KCNAB1: variants seen among roughly 807,000 people sequenced by gnomAD.
KCNAB1 encodes voltage-gated potassium channel subunit beta-1.
Under a neutral mutation model 64.6 loss-of-function variants are expected in KCNAB1, and 35 were observed. That is an observed-to-expected ratio of 0.54 (90% CI 0.41 to 0.72). KCNAB1 has a LOEUF of 0.72. Among genes scored for constraint, KCNAB1 ranks in the 30% least tolerant of loss-of-function variants. The pLI is 0.00. For synonymous variants in KCNAB1, 177 were observed against 183.8 expected, an observed-to-expected ratio of 0.96 and a Z score of 0.30; for missense variants, 401 against 512.9, an observed-to-expected ratio of 0.78 and a Z score of 2.11.
intron 1 of KCNAB1, among the ~76,000 whole-genome samples, chr3:156,277,558 G>A (rs1368640745): frequency 6.6e-6 from 1 of 152,190 alleles, no homozygotes; most frequent in Middle Eastern, 3.4e-3. Flanking sequence ...CATCTGTGTT[G>A]TTGCAAATGG....
At chr3:156,538,613 T>G (rs939470829), downstream of KCNAB1, 5 of 152,262 alleles carry the variant, frequency 3.3e-5, no homozygotes, top group Non-Finnish European at 5.9e-5. Flanking sequence ...TTACAATAGA[T>G]TTTATCTGAT....
intron 1 of KCNAB1, among the ~76,000 whole-genome samples, chr3:156,327,466 AT>A (rs1239286907): frequency 2.0e-5 from 3 of 152,152 alleles, no homozygotes; most frequent in African/African-American, 7.2e-5. Flanking sequence ...TTCAAGCCAT[AT>A]TTAGCAAGTT....
chr3:156,342,585 C>CTTTTTTTTTTTTT (rs60982892), intron 1 of KCNAB1, among the ~76,000 whole-genome samples: 4 of 86,248 alleles, frequency 4.6e-5, no homozygotes, highest in Admixed American at 1.3e-4. Context: ...CTATGTGTTT[C>CTTTTTTTTTTTTT]TTTTTTTTTT....
At chr3:156,298,031 T>A (rs1191061822) in intron 1 of KCNAB1, among the ~76,000 whole-genome samples, 1 of 152,224 alleles carries the variant, frequency 6.6e-6, no homozygotes, top group Non-Finnish European at 1.5e-5. Context: ...CCCATGGGTA[T>A]GGGCTTTCCT....
intron 1 of KCNAB1, among the ~76,000 whole-genome samples, chr3:156,166,916 G>A (rs1287667530): frequency 1.3e-5 from 2 of 152,102 alleles, no homozygotes; most frequent in African/African-American, 4.8e-5. Context: ...GATGTTTATG[G>A]CGGTTTAGTG....
chr3:156,445,296 T>C (rs61147236), intron 2 of KCNAB1, among the ~76,000 whole-genome samples: 34,162 of 152,050 alleles, frequency 0.22, 7,277 homozygotes, highest in African/African-American at 0.56. Context: ...ACTCTGTCTC[T>C]GAAACAAAAA....
At chr3:156,481,625 A>G (rs1714811468) in intron 8 of KCNAB1, among the ~76,000 whole-genome samples, 2 of 152,078 alleles carry the variant, frequency 1.3e-5, no homozygotes, top group Non-Finnish European at 2.9e-5. Context: ...GGTTCACTTC[A>G]GGTTCTTTCC....
At chr3:156,491,810 TA>T (rs548038654) in intron 8 of KCNAB1, among the ~76,000 whole-genome samples, 70 of 152,216 alleles carry the variant, frequency 4.6e-4, no homozygotes, top group Non-Finnish European at 8.5e-4. Flanking sequence ...ACACGCTAGC[TA>T]TCTAATATTA....
intron 1 of KCNAB1, among the ~76,000 whole-genome samples, chr3:156,346,753 G>A (rs1403513969): frequency 3.3e-5 from 5 of 152,312 alleles, no homozygotes; most frequent in Non-Finnish European, 7.4e-5. Context: ...GTCAAATATG[G>A]AAGCATCTAG....
At chr3:156,311,270 G>GAA (rs1446004508) in intron 1 of KCNAB1, among the ~76,000 whole-genome samples, 1 of 152,248 alleles carries the variant, frequency 6.6e-6, no homozygotes, top group East Asian at 1.9e-4. Context: ...TCACCCTGTG[G>GAA]AAAAGAGAGA....
chr3:156,396,311 GA>G (rs767702376), intron 1 of KCNAB1, among the ~76,000 whole-genome samples: 9 of 152,164 alleles, frequency 5.9e-5, no homozygotes, highest in Admixed American at 4.6e-4. Flanking sequence ...GTTCTAAAAA[GA>G]AAATAGAAAC....
chr3:156,223,383 C>T (rs1298909887), intron 1 of KCNAB1, among the ~76,000 whole-genome samples: 1 of 152,200 alleles, frequency 6.6e-6, no homozygotes, highest in Non-Finnish European at 1.5e-5. Context: ...GCTGATTGGT[C>T]CATTTTACAG....
chr3:156,308,123 C>CATT (rs1721634882), intron 1 of KCNAB1, among the ~76,000 whole-genome samples: 1 of 152,096 alleles, frequency 6.6e-6, no homozygotes. Context: ...GGGCAGGGGA[C>CATT]ATTATTTGAT....
At chr3:156,338,992 CAG>C (rs1397623924) in intron 1 of KCNAB1, among the ~76,000 whole-genome samples, 1 of 152,134 alleles carries the variant, frequency 6.6e-6, no homozygotes, top group Non-Finnish European at 1.5e-5. Flanking sequence ...AGTCAAAGTA[CAG>C]AGATATTCCC....
chr3:156,523,938 C>T lies in KCNAB1; in HGVS notation c.1072C>T (p.Leu358=). The T allele has an allele frequency of 6.2e-7, 1 of 1,613,616 alleles. No individual in the cohort carries two copies. The highest frequency in any genetic ancestry group is 1.1e-5 in the South Asian group (1 of 90,914). ...GCGTCTGGGATGCACACTACCTCAG[C>T]TAGCTGTTGGTAAGAAAATTACTAA... ...AERLGCTLPQ[L]AVAWCLRNEG... is the part of the protein sequence containing the mutation. Residue 358 remains leucine, a synonymous_variant, in exon 12 of 14, where the codon CTA becomes TTA. Transcript: ENST00000490337.
intron 1 of KCNAB1, among the ~76,000 whole-genome samples, chr3:156,411,099 C>A (rs1311528256): frequency 1.4e-4 from 22 of 152,088 alleles, no homozygotes; most frequent in Admixed American, 1.4e-3. Flanking sequence ...TGTATCTTTG[C>A]CAGTACTTAG....
At position 156,536,881 on chromosome 3, in the gene KCNAB1, T is replaced by C; in HGVS notation, c.*134T>C. The stretch of plus-strand genomic sequence containing the variant: ...CCTCTAGTGTCCCTCCCTGGATTCT[T>C]TGAGGTGTCTGCTGTCGCTACCACT... On this transcript the variant is annotated 3_prime_UTR_variant, in exon 14 of 14. Transcript: ENST00000490337. The C allele has an allele frequency of 3.0e-6, 2 of 657,632 alleles. No homozygotes were observed. Among genetic ancestry groups the C allele is most frequent in the East Asian group, 2.7e-5 (1 of 37,622 alleles). The allele number at this position is 657,632 out of a possible 1,614,324, so 40.7% of individuals were successfully genotyped here. A position where few individuals can be genotyped will look rare whatever the true frequency, so the allele number is the denominator to read the frequency against.
chr3:156,434,643 A>G (rs1716463849), intron 2 of KCNAB1, among the ~76,000 whole-genome samples: 1 of 152,226 alleles, frequency 6.6e-6, no homozygotes, highest in African/African-American at 2.4e-5. Context: ...GGTCAAAGAT[A>G]AATAGAAAAT....
At chr3:156,353,291 C>T (rs1417270536) in intron 1 of KCNAB1, among the ~76,000 whole-genome samples, 2 of 152,140 alleles carry the variant, frequency 1.3e-5, no homozygotes, top group Non-Finnish European at 2.9e-5. Context: ...TTCTCCTCCT[C>T]GTCCTTCCTT....
Sources: gnomAD v4.1 joint callset for allele counts (sites outside exome capture counted in the v4.1 genomes callset) on GRCh38, gnomAD v4.1.1 for gene constraint, MANE v1.5 for transcripts, NCBI Gene and HGNC (gene_info 2026-07-23, HGNC 2026-07-21) for gene names.